The following FMNL2 variants were observed in gnomAD, a reference collection of about 807,000 sequenced individuals.
FMNL2 encodes formin-like protein 2.
In FMNL2, 51 loss-of-function variants were observed where a neutral mutation model predicts 130.2. That is an observed-to-expected ratio of 0.39 (90% CI 0.31 to 0.49). The LOEUF (loss-of-function observed/expected upper bound fraction) is 0.49, where lower values mean the gene tolerates loss of function less well. Ranked by LOEUF, FMNL2 falls within the 20% of genes least tolerant of loss-of-function variation. FMNL2 has a pLI of 0.85. For synonymous variants in FMNL2, 465 were observed against 467.1 expected (o/e 1.00, Z 0.06); for missense variants, 977 against 1,316.2 (o/e 0.74, Z 3.99).
At chr2:152,608,496 GT>G (rs1698506286) in intron 10 of FMNL2, among the ~76,000 whole-genome samples, 1 of 148,814 alleles carries the variant, frequency 6.7e-6, no homozygotes, top group African/African-American at 2.5e-5. Flanking sequence ...CATAAAGCAT[GT>G]TATTTGCTTT....
At chr2:152,515,120 G>A (rs957527916) in intron 1 of FMNL2, among the ~76,000 whole-genome samples, 2 of 152,090 alleles carry the variant, frequency 1.3e-5, no homozygotes, top group Non-Finnish European at 2.9e-5. Context: ...AAACCATATT[G>A]TGTCATTTAA....
chr2:152,350,222 G>T (rs565341739), intron 1 of FMNL2, among the ~76,000 whole-genome samples: 1 of 152,082 alleles, frequency 6.6e-6, no homozygotes, highest in Non-Finnish European at 1.5e-5. Context: ...TTGTTTCTCC[G>T]TTTGCTGGTT....
At chr2:152,521,296 C>T (rs372518436) in intron 1 of FMNL2, among the ~76,000 whole-genome samples, 40 of 152,188 alleles carry the variant, frequency 2.6e-4, no homozygotes, top group African/African-American at 7.9e-4. Flanking sequence ...AGGGTTTATA[C>T]GAGTGCTGAT....
intron 1 of FMNL2, among the ~76,000 whole-genome samples, chr2:152,430,862 G>A (rs768108637): frequency 6.6e-6 from 1 of 151,652 alleles, no homozygotes; most frequent in Non-Finnish European, 1.5e-5. Context: ...GACAGAGTGA[G>A]ACTTGGTCTC....
At chr2:152,625,796 T>C (rs1681744340) in intron 16 of FMNL2, among the ~76,000 whole-genome samples, 2 of 152,172 alleles carry the variant, frequency 1.3e-5, no homozygotes, top group Non-Finnish European at 2.9e-5. Context: ...TGAGCATCTT[T>C]AGTGTATGCC....
chr2:152,498,850 T>C (rs1430436682), intron 1 of FMNL2, among the ~76,000 whole-genome samples: 1 of 152,200 alleles, frequency 6.6e-6, no homozygotes, highest in Non-Finnish European at 1.5e-5. Flanking sequence ...TCACCATTCA[T>C]GTGCATTATT....
chr2:152,615,625 T>C (rs898995021), intron 12 of FMNL2, among the ~76,000 whole-genome samples: 1 of 152,218 alleles, frequency 6.6e-6, no homozygotes, highest in African/African-American at 2.4e-5. Flanking sequence ...TGAATATGAC[T>C]CTAAGGGCCT....
At chr2:152,565,542 C>A (rs1017316719) in intron 6 of FMNL2, among the ~76,000 whole-genome samples, 1 of 152,146 alleles carries the variant, frequency 6.6e-6, no homozygotes, top group African/African-American at 2.4e-5. Flanking sequence ...CAAGGATGAT[C>A]TTTTCAAAAT....
chr2:152,586,920 G>T (rs978925804), intron 9 of FMNL2, among the ~76,000 whole-genome samples: 1 of 152,176 alleles, frequency 6.6e-6, no homozygotes, highest in Non-Finnish European at 1.5e-5. Flanking sequence ...GGCAGGGATT[G>T]TCTCTTCTTT....
chr2:152,543,729 CAAAAAA>C (rs71394490), intron 3 of FMNL2, among the ~76,000 whole-genome samples: 1 of 61,396 alleles, frequency 1.6e-5, no homozygotes, highest in African/African-American at 6.8e-5. Context: ...ACCCCCCGAC[CAAAAAA>C]AAAAAAAAAA....
intron 23 of FMNL2, among the ~76,000 whole-genome samples, chr2:152,638,948 G>A (rs1397857812): frequency 2.6e-5 from 4 of 152,246 alleles, no homozygotes; most frequent in Non-Finnish European, 5.9e-5. Flanking sequence ...CATCAGCAGG[G>A]ATATGCGTGG....
Position 152,335,602 on chromosome 2 carries a change from A to C in FMNL2, c.-2A>C, listed in dbSNP as rs1579414346. ...AGCCCCCGGCCCCGGCGCGCCGCCGACATGGGCAACGCAGGGAGCATGGAT... is the reference window on the plus strand; with the variant it reads ...AGCCCCCGGCCCCGGCGCGCCGCCGCCATGGGCAACGCAGGGAGCATGGAT... On this transcript the variant is annotated 5_prime_UTR_variant, in exon 1 of 26. Transcript: ENST00000288670. The C allele has an allele frequency of 1.3e-6, 2 of 1,584,032 alleles. No homozygotes were observed. Among genetic ancestry groups the C allele is most frequent in the Non-Finnish European group, 1.7e-6 (2 of 1,165,248 alleles).
At chr2:152,511,919 G>A (rs1221813779) in intron 1 of FMNL2, among the ~76,000 whole-genome samples, 1 of 152,106 alleles carries the variant, frequency 6.6e-6, no homozygotes, top group Non-Finnish European at 1.5e-5. Flanking sequence ...TTTGAGTTTG[G>A]TATCTTCAGT....
intron 4 of FMNL2, among the ~76,000 whole-genome samples, chr2:152,557,425 C>T (rs951385515): frequency 4.6e-5 from 7 of 152,176 alleles, no homozygotes; most frequent in Admixed American, 1.3e-4. Context: ...CTCTCTGAGG[C>T]GCTTGAGGGG....
chr2:152,568,677 C>T (rs1228299207), intron 6 of FMNL2, among the ~76,000 whole-genome samples: 1 of 152,178 alleles, frequency 6.6e-6, no homozygotes, highest in East Asian at 1.9e-4. Context: ...ACATGTCCTT[C>T]ATCACATGGT....
chr2:152,463,814 T>C (rs1288031919), intron 1 of FMNL2, among the ~76,000 whole-genome samples: 2 of 152,242 alleles, frequency 1.3e-5, no homozygotes, highest in East Asian at 3.8e-4. Flanking sequence ...AGTTAGTTTA[T>C]AATGAATTGA....
intron 9 of FMNL2, among the ~76,000 whole-genome samples, chr2:152,588,528 A>T (rs1175239050): frequency 1.3e-5 from 2 of 152,160 alleles, no homozygotes; most frequent in African/African-American, 4.8e-5. Flanking sequence ...TTTTTATTGT[A>T]TAAGGCAGCA....
intron 1 of FMNL2, among the ~76,000 whole-genome samples, chr2:152,505,962 A>G (rs1692147263): frequency 6.6e-6 from 1 of 152,228 alleles, no homozygotes; most frequent in African/African-American, 2.4e-5. Flanking sequence ...TTAGATTTGT[A>G]CTCTATCACA....
chr2:152,459,754 A>G (rs1368626615), intron 1 of FMNL2, among the ~76,000 whole-genome samples: 1 of 152,230 alleles, frequency 6.6e-6, no homozygotes, highest in African/African-American at 2.4e-5. Flanking sequence ...ACTAAAATCT[A>G]TTGAGTTGCA....
Sources: allele counts gnomAD v4.1 joint callset (sites outside exome capture counted in the v4.1 genomes callset), GRCh38; gene constraint gnomAD v4.1.1; transcripts MANE v1.5; gene names NCBI Gene and HGNC (gene_info 2026-07-23, HGNC 2026-07-21).